Variants in TMEM184B observed in about 807,000 individuals in gnomAD.
TMEM184B encodes putative MAPK-activating protein FM08.
A neutral mutation model predicts 41.8 loss-of-function variants in TMEM184B; 17 were observed. That is an observed-to-expected ratio of 0.41 (90% CI 0.28 to 0.61). The LOEUF (loss-of-function observed/expected upper bound fraction) is 0.61. TMEM184B is among the 20% of genes least tolerant of loss of function. TMEM184B has a pLI of 0.34. For missense variants in TMEM184B, 393 were observed against 557.8 expected, an observed-to-expected ratio of 0.70 and a Z score of 2.98; for synonymous variants, 240 against 229.5, an observed-to-expected ratio of 1.05 and a Z score of -0.41.
At chr22:38,237,660 A>C (rs2284072) in intron 3 of TMEM184B, among the ~76,000 whole-genome samples, 87,558 of 152,138 alleles carry the variant, frequency 0.58, 26,970 homozygotes, top group African/African-American at 0.81. Flanking sequence ...GAACGTTCTT[A>C]TGCCTCTTTT....
chr22:38,226,962 GA>G lies in TMEM184B; in HGVS notation c.526-93del. The G allele has an allele frequency of 7.9e-7, 1 of 1,272,266 alleles. No homozygotes were observed. The highest frequency in any genetic ancestry group is 1.1e-6 in the Non-Finnish European group (1 of 901,082). 78.8% of individuals were successfully genotyped at this position (1,272,266 alleles called of 1,614,324 possible). A position where few individuals can be genotyped will look rare whatever the true frequency, so the allele number is the denominator to read the frequency against. On this transcript the variant is annotated intron_variant, in intron 5 of 8. Coordinates refer to ENST00000361906, the MANE Select transcript of TMEM184B (RefSeq NM_012264.5). The surrounding 1 kb of genome is among the most constrained non-coding windows in gnomAD (Gnocchi z 4.6). The stretch of plus-strand genomic sequence containing the variant: ...CTGGCAGACGGAACTGTACCGGATG[GA>G]GGGACAGAGAGGATGAAGGAGACGG...
chr22:38,258,370 G>A (rs964758285), intron 1 of TMEM184B, among the ~76,000 whole-genome samples: 3 of 150,428 alleles, frequency 2.0e-5, no homozygotes, highest in African/African-American at 2.5e-5. Flanking sequence ...GAACAATCTC[G>A]GCTCACTGCA....
chr22:38,266,927 C>CA (rs2092451336), intron 1 of TMEM184B, among the ~76,000 whole-genome samples: 3 of 152,066 alleles, frequency 2.0e-5, no homozygotes, highest in Admixed American at 2.0e-4. Context: ...ACTAAAAATA[C>CA]AAAAAATTAG....
intron 3 of TMEM184B, among the ~76,000 whole-genome samples, chr22:38,242,555 C>T (rs1459444144): frequency 6.6e-6 from 1 of 152,182 alleles, no homozygotes; most frequent in Non-Finnish European, 1.5e-5. Context: ...GCTGGATCTG[C>T]AGAGTTCTCC....
At chr22:38,270,285 C>T (rs1047456049) in intron 1 of TMEM184B, among the ~76,000 whole-genome samples, 1 of 152,200 alleles carries the variant, frequency 6.6e-6, no homozygotes, top group African/African-American at 2.4e-5. Context: ...TGAGGTCAGA[C>T]CTACTGGTTC....
At chr22:38,240,248 C>T (rs1323493293) in intron 3 of TMEM184B, among the ~76,000 whole-genome samples, 1 of 151,610 alleles carries the variant, frequency 6.6e-6, no homozygotes, top group Non-Finnish European at 1.5e-5. Context: ...AATGACCATC[C>T]CCAGAGACCA....
rs780984024 is a variant in TMEM184B at position 38,221,730 on chromosome 22, AG to A, written c.983-21del. ...AGCGGCCTGCCGGGCAGGGAGCGGG[AG>A]GGGCAGGTGAGGAGGCTGGGACGGT... On this transcript the variant is annotated intron_variant, in intron 8 of 8. Transcript: ENST00000361906. The A allele has an allele frequency of 5.6e-6, 9 of 1,611,842 alleles. No individual in the cohort carries two copies. Among genetic ancestry groups the A allele is most frequent in the Non-Finnish European group, 7.6e-6 (9 of 1,179,412 alleles).
intron 1 of TMEM184B, among the ~76,000 whole-genome samples, chr22:38,268,083 G>A (rs574570765): frequency 3.3e-4 from 50 of 152,266 alleles, no homozygotes; most frequent in Non-Finnish European, 5.7e-4. Flanking sequence ...ATGAGTGCCC[G>A]GTAAGAATGC....
intron 3 of TMEM184B, 168 bp from the exon 4 acceptor site, chr22:38,231,502 AT>A: frequency 1.4e-6 from 1 of 720,562 alleles, no homozygotes; most frequent in Non-Finnish European, 2.6e-6. Context: ...GAACACAGAC[AT>A]CTGACCTCCC....
chr22:38,261,970 G>A (rs780382629), intron 1 of TMEM184B, among the ~76,000 whole-genome samples: 16 of 151,868 alleles, frequency 1.1e-4, no homozygotes, highest in African/African-American at 3.4e-4. Flanking sequence ...GAGCGCACAC[G>A]CGCCCCCAAA....
intron 5 of TMEM184B, among the ~76,000 whole-genome samples, chr22:38,229,038 A>G (rs2091533851): frequency 6.6e-6 from 1 of 152,254 alleles, no homozygotes; most frequent in Non-Finnish European, 1.5e-5. Flanking sequence ...ATTTAGGAAC[A>G]TGCTAGGGAA....
At chr22:38,262,420 T>G (rs2092384847) in intron 1 of TMEM184B, among the ~76,000 whole-genome samples, 1 of 152,090 alleles carries the variant, frequency 6.6e-6, no homozygotes. Flanking sequence ...TGGAGACTGC[T>G]CTGGACGGAA....
Position 38,219,596 on chromosome 22 carries a change from T to C in TMEM184B, c.*1873A>G. ...GGAGGGGATGGAGCGGTCGGGCACA[T>C]GTTCCCGTCCCCACGACCCCACGGA... is the stretch of plus-strand genomic sequence containing the variant. On this transcript the variant is annotated 3_prime_UTR_variant, in exon 9 of 9. Transcript: ENST00000361906. The C allele has an allele frequency of 1.0e-6, 1 of 984,104 alleles. No individual in the cohort carries two copies. The highest frequency in any genetic ancestry group is 1.2e-6 in the Non-Finnish European group (1 of 829,768). 61.0% of individuals were successfully genotyped at this position (984,104 alleles called of 1,614,324 possible).
chr22:38,225,006 A>G lies in TMEM184B; in HGVS notation c.788-27T>C. On this transcript the variant is annotated intron_variant, in intron 7 of 8. Transcript: ENST00000361906. This position sits in a 1 kb window ranked among gnomAD's most constrained non-coding sequence, Gnocchi z 4.4. ...TGGATGGGGAGGCACGGGTGTCTGG[A>G]CCCAGAATGATTCCTTTCCTGCTCC... 6.6e-7 allele frequency: 1 copy of G among 1,518,788 alleles called. No individual in the cohort carries two copies. Among genetic ancestry groups the G allele is most frequent in the Non-Finnish European group, 8.8e-7 (1 of 1,132,734 alleles). 94.1% of individuals were successfully genotyped at this position (1,518,788 alleles called of 1,614,324 possible). A position where few individuals can be genotyped will look rare whatever the true frequency, so the allele number is the denominator to read the frequency against.
chr22:38,246,118 G>C lies in TMEM184B; in HGVS notation c.193-18C>G. On this transcript the variant is annotated intron_variant, in intron 2 of 8. Transcript: ENST00000361906. Reference sequence around the variant, plus strand: ...ATGTAGATCTGGGGGCAGAGGTGTGGGGTCAGCTGGGGACCCTCCTGTCCA... The same window carrying C: ...ATGTAGATCTGGGGGCAGAGGTGTGCGGTCAGCTGGGGACCCTCCTGTCCA... The C allele has an allele frequency of 1.2e-6, 2 of 1,604,014 alleles. No homozygotes were observed. The highest frequency in any genetic ancestry group is 1.7e-6 in the Non-Finnish European group (2 of 1,178,916).
At chr22:38,258,450 G>A (rs1045872056) in intron 1 of TMEM184B, among the ~76,000 whole-genome samples, 1 of 151,946 alleles carries the variant, frequency 6.6e-6, no homozygotes, top group Admixed American at 6.6e-5. Flanking sequence ...ACAGGCATAA[G>A]CCACATGCCC....
chr22:38,258,300 A>T lies in TMEM184B; in HGVS notation c.-58-10281T>A, dbSNP rs527251282. Reference sequence around the variant, plus strand: ...GTTTAAGAATTTAGAATTTTTCCAAATTTTTTTTTTTTTTTTTTTAGACTA... The same window carrying T: ...GTTTAAGAATTTAGAATTTTTCCAATTTTTTTTTTTTTTTTTTTTAGACTA... On this transcript the variant is annotated intron_variant, in intron 1 of 8. Transcript: ENST00000361906. Among the ~76,000 whole-genome samples the T allele has an allele frequency of 6.5e-3, 921 of 141,306 alleles. 15 individuals are homozygous for T. The South Asian group carries it at 0.069, about 11-fold the overall frequency. 92.7% of individuals were successfully genotyped at this position (141,306 alleles called of 152,430 possible).
chr22:38,226,964 G>A lies in TMEM184B; in HGVS notation c.526-94C>T, dbSNP rs542874154. Reference sequence around the variant, plus strand: ...GGCAGACGGAACTGTACCGGATGGAGGGACAGAGAGGATGAAGGAGACGGA... The same window carrying A: ...GGCAGACGGAACTGTACCGGATGGAAGGACAGAGAGGATGAAGGAGACGGA... On this transcript the variant is annotated intron_variant, in intron 5 of 8. Coordinates refer to ENST00000361906, the MANE Select transcript of TMEM184B (RefSeq NM_012264.5). The surrounding 1 kb of genome is among the most constrained non-coding windows in gnomAD (Gnocchi z 4.6). 1 of 1,272,890 alleles carries A rather than the reference G, an allele frequency of 7.9e-7. No homozygotes were observed. The highest frequency in any genetic ancestry group is 2.6e-5 in the East Asian group (1 of 38,476). The allele number at this position is 1,272,890 out of a possible 1,614,324, so 78.8% of individuals were successfully genotyped here. A position where few individuals can be genotyped will look rare whatever the true frequency, so the allele number is the denominator to read the frequency against.
At chr22:38,240,722 GA>G (rs1269651636) in intron 3 of TMEM184B, among the ~76,000 whole-genome samples, 57 of 58,432 alleles carry the variant, frequency 9.8e-4, no homozygotes, top group Admixed American at 1.3e-3. Flanking sequence ...GAGAGGGGGG[GA>G]AAAAAAGGCA....
Sources: gnomAD v4.1 joint callset for allele counts (sites outside exome capture counted in the v4.1 genomes callset) on GRCh38, gnomAD v4.1.1 for gene constraint, Gnocchi (gnomAD v3.1) non-coding constraint, MANE v1.5 for transcripts, NCBI Gene and HGNC (gene_info 2026-07-23, HGNC 2026-07-21) for gene names.